BACH2: variants seen among roughly 807,000 people sequenced by gnomAD.
BACH2 encodes the protein BACH transcriptional regulator 2.
A neutral mutation model predicts 61.8 loss-of-function variants in BACH2; 5 were observed. The observed-to-expected ratio is 0.08, with a 90% confidence interval of 0.04 to 0.17. BACH2 has a LOEUF of 0.17. Ranked by LOEUF, BACH2 falls within the 10% of genes least tolerant of loss-of-function variation. The pLI, the probability that BACH2 is intolerant of heterozygous loss-of-function variation, is 1.00. For missense variants in BACH2, 824 were observed against 1,091.1 expected, an observed-to-expected ratio of 0.76 and a Z score of 3.45; for synonymous variants, 446 against 440.1, an observed-to-expected ratio of 1.01 and a Z score of -0.17.
At chr6:89,966,573 G>A (rs1441499086) in intron 6 of BACH2, among the ~76,000 whole-genome samples, 1 of 152,174 alleles carries the variant, frequency 6.6e-6, no homozygotes, top group Non-Finnish European at 1.5e-5. Flanking sequence ...ATGAAGTCAG[G>A]TTTGTCAGTC....
At chr6:90,026,884 C>T (rs529229127) in intron 5 of BACH2, among the ~76,000 whole-genome samples, 11 of 152,184 alleles carry the variant, frequency 7.2e-5, no homozygotes, top group African/African-American at 1.7e-4. Context: ...CAGGCTAGAA[C>T]GAATGAAGTT....
At chr6:90,284,853 G>T (rs1170300528) in intron 1 of BACH2, among the ~76,000 whole-genome samples, 2 of 152,162 alleles carry the variant, frequency 1.3e-5, no homozygotes, top group African/African-American at 4.8e-5. Context: ...TATTGATACT[G>T]ATGAGTCATT....
At chr6:90,247,749 C>T (rs1026467699) in intron 3 of BACH2, among the ~76,000 whole-genome samples, 1 of 152,146 alleles carries the variant, frequency 6.6e-6, no homozygotes, top group Non-Finnish European at 1.5e-5. Flanking sequence ...AATGTCTTCC[C>T]ATCTCCATGC....
intron 1 of BACH2, among the ~76,000 whole-genome samples, chr6:90,279,543 T>C (rs1251356251): frequency 6.9e-6 from 1 of 145,534 alleles, no homozygotes; most frequent in Admixed American, 6.8e-5. Context: ...AAAAAAAGTC[T>C]ACACTACTTT....
chr6:89,950,195 G>C lies in BACH2; in HGVS notation c.1836+75C>G. Reference sequence around the variant, plus strand: ...AGCACGTAAGAACAATGTGGGAGTGGTGGGGGGCAGGGAGTAGTCCAGATA... The same window carrying C: ...AGCACGTAAGAACAATGTGGGAGTGCTGGGGGGCAGGGAGTAGTCCAGATA... On this transcript the variant is annotated intron_variant, in intron 7 of 8. Coordinates refer to ENST00000257749, the MANE Select transcript of BACH2 (RefSeq NM_021813.4). The surrounding 1 kb of genome is among the most constrained non-coding windows in gnomAD (Gnocchi z 5.3). The C allele has an allele frequency of 6.6e-7, 1 of 1,516,974 alleles. No individual in the cohort carries two copies. The highest frequency in any genetic ancestry group is 9.2e-7 in the Non-Finnish European group (1 of 1,092,680). 94.0% of individuals were successfully genotyped at this position (1,516,974 alleles called of 1,614,324 possible).
intron 4 of BACH2, among the ~76,000 whole-genome samples, chr6:90,152,242 C>G (rs1784846387): frequency 6.6e-6 from 1 of 152,198 alleles, no homozygotes; most frequent in East Asian, 1.9e-4. Flanking sequence ...TAATTTATTT[C>G]TAGCGATAAG....
At chr6:90,214,138 T>C (rs1174057892) in intron 3 of BACH2, among the ~76,000 whole-genome samples, 1 of 152,220 alleles carries the variant, frequency 6.6e-6, no homozygotes, top group African/African-American at 2.4e-5. Flanking sequence ...TCTCAACTCA[T>C]GTTTGCCAAT....
intron 4 of BACH2, among the ~76,000 whole-genome samples, chr6:90,107,568 A>C (rs1266738630): frequency 6.6e-6 from 1 of 151,916 alleles, no homozygotes; most frequent in Admixed American, 6.6e-5. Context: ...CAGCTACATC[A>C]CATCTCTGGC....
intron 4 of BACH2, among the ~76,000 whole-genome samples, chr6:90,150,532 C>T (rs756600768): frequency 3.9e-5 from 6 of 152,068 alleles, no homozygotes; most frequent in Non-Finnish European, 5.9e-5. Context: ...ACATGGGATT[C>T]GATGTGCTAG....
chr6:90,271,894 T>G lies in BACH2; in HGVS notation c.-398A>C, dbSNP rs1771536052. The stretch of plus-strand genomic sequence containing the variant: ...ATCAGCTTGGTCCCAAATGATGTCT[T>G]CAGTAGGTGGCGAAATGTTAAAACT... On this transcript the variant is annotated 5_prime_UTR_variant, in exon 2 of 9. Coordinates refer to ENST00000257749, the MANE Select transcript of BACH2 (RefSeq NM_021813.4). 1 of 152,316 alleles carries G rather than the reference T, an allele frequency of 6.6e-6. No individual in the cohort carries two copies. Among genetic ancestry groups the G allele is most frequent in the African/African-American group, 2.4e-5 (1 of 41,420 alleles). 9.4% of individuals were successfully genotyped at this position (152,316 alleles called of 1,614,324 possible). A position where few individuals can be genotyped will look rare whatever the true frequency, so the allele number is the denominator to read the frequency against.
chr6:89,968,616 T>G (rs1308853724), intron 6 of BACH2, among the ~76,000 whole-genome samples: 1 of 152,254 alleles, frequency 6.6e-6, no homozygotes, highest in East Asian at 1.9e-4. Flanking sequence ...TGAGGCATTT[T>G]GCATAAATGT....
At chr6:90,075,500 G>C (rs1781434538) in intron 5 of BACH2, among the ~76,000 whole-genome samples, 1 of 152,012 alleles carries the variant, frequency 6.6e-6, no homozygotes, top group African/African-American at 2.4e-5. Flanking sequence ...CAAGTGTGTT[G>C]GCTTTACTAT....
intron 1 of BACH2, among the ~76,000 whole-genome samples, chr6:90,289,864 A>C (rs6903463): frequency 0.051 from 7,724 of 152,254 alleles, 234 homozygotes; most frequent in Admixed American, 0.094. Flanking sequence ...CCCTACACAC[A>C]TCAGCTGACT....
At chr6:90,051,059 G>A (rs1382845163) in intron 5 of BACH2, among the ~76,000 whole-genome samples, 1 of 151,876 alleles carries the variant, frequency 6.6e-6, no homozygotes, top group Non-Finnish European at 1.5e-5. Context: ...GGCTTTTACA[G>A]GCTGGTAATT....
intron 6 of BACH2, among the ~76,000 whole-genome samples, chr6:90,005,780 C>T (rs1158852395): frequency 1.3e-5 from 2 of 152,122 alleles, no homozygotes; most frequent in East Asian, 1.9e-4. Flanking sequence ...TATGAATTTG[C>T]GTTTCATAAG....
At chr6:90,038,766 T>C (rs1159010359) in intron 5 of BACH2, among the ~76,000 whole-genome samples, 1 of 151,962 alleles carries the variant, frequency 6.6e-6, no homozygotes, top group Non-Finnish European at 1.5e-5. Context: ...GGCCCGGGCA[T>C]GGTGGCTCAC....
intron 4 of BACH2, among the ~76,000 whole-genome samples, chr6:90,197,100 A>G (rs1416362412): frequency 6.6e-6 from 1 of 152,238 alleles, no homozygotes; most frequent in Non-Finnish European, 1.5e-5. Flanking sequence ...AATGATGTAC[A>G]TATATTCAAA....
chr6:90,198,554 C>T (rs1768843733), intron 4 of BACH2, among the ~76,000 whole-genome samples: 2 of 152,178 alleles, frequency 1.3e-5, no homozygotes, highest in Non-Finnish European at 2.9e-5. Context: ...AATTTACCTC[C>T]TACCTCTTCA....
intron 3 of BACH2, among the ~76,000 whole-genome samples, chr6:90,250,654 T>C (rs1011554100): frequency 6.6e-6 from 1 of 152,196 alleles, no homozygotes; most frequent in Non-Finnish European, 1.5e-5. Flanking sequence ...GCTGTGTAAC[T>C]GACTCTGAAG....
Sources: allele counts gnomAD v4.1 joint callset (sites outside exome capture counted in the v4.1 genomes callset), GRCh38; gene constraint gnomAD v4.1.1; non-coding constraint Gnocchi (gnomAD v3.1); transcripts MANE v1.5; gene names NCBI Gene and HGNC (gene_info 2026-07-23, HGNC 2026-07-21).